The following SYT1 variants were observed in gnomAD, a reference collection of about 807,000 sequenced individuals.
The protein encoded by SYT1 is synaptotagmin 1.
Under a neutral mutation model 44.8 loss-of-function variants are expected in SYT1, and 8 were observed. That is an observed-to-expected ratio of 0.18 (90% CI 0.10 to 0.32). The LOEUF (loss-of-function observed/expected upper bound fraction) is 0.32, where lower values mean the gene tolerates loss of function less well. Ranked by LOEUF, SYT1 falls within the 10% of genes least tolerant of loss-of-function variation. The pLI, the probability that SYT1 is intolerant of heterozygous loss-of-function variation, is 1.00. For missense variants in SYT1, 286 were observed against 509.3 expected, an observed-to-expected ratio of 0.56 and a Z score of 4.22; for synonymous variants, 154 against 188.8, an observed-to-expected ratio of 0.82 and a Z score of 1.51.
At chr12:79,151,754 A>G (rs1870286679) in intron 3 of SYT1, among the ~76,000 whole-genome samples, 1 of 152,160 alleles carries the variant, frequency 6.6e-6, no homozygotes, top group Non-Finnish European at 1.5e-5. Flanking sequence ...CAAACCTCAG[A>G]GCACTCCCAA....
chr12:79,303,578 T>C lies in SYT1; in HGVS notation c.810+4027T>C, dbSNP rs950018984. ...GTAATCTAGTGCAAATGGAAAAAAATTGATTGCAGAATTAAAACAAGTTGG... is the reference window on the plus strand; with the variant it reads ...GTAATCTAGTGCAAATGGAAAAAAACTGATTGCAGAATTAAAACAAGTTGG... On this transcript the variant is annotated intron_variant, in intron 8 of 10. Coordinates refer to ENST00000261205, the MANE Select transcript of SYT1 (RefSeq NM_005639.3). Among the ~76,000 whole-genome samples the C allele has an allele frequency of 3.4e-4, 52 of 152,024 alleles. 2 individuals carry two copies.
chr12:79,341,137 G>A (rs1293460450), intron 8 of SYT1: 2 of 152,134 alleles, frequency 1.3e-5, no homozygotes, highest in Non-Finnish European at 2.9e-5. Context: ...ATAAGACTAA[G>A]CTTTACTCAT....
At chr12:79,080,706 A>C (rs1216894087) in intron 3 of SYT1, among the ~76,000 whole-genome samples, 1 of 152,138 alleles carries the variant, frequency 6.6e-6, no homozygotes, top group Admixed American at 6.6e-5. Context: ...CAATTTTTAG[A>C]CTCTATTATC....
chr12:79,165,439 TC>T (rs1871174048), intron 3 of SYT1, among the ~76,000 whole-genome samples: 1 of 151,958 alleles, frequency 6.6e-6, no homozygotes, highest in African/African-American at 2.4e-5. Flanking sequence ...CTAAATGTAT[TC>T]CAAAATTATA....
chr12:79,409,886 A>G (rs982786783), intron 9 of SYT1, among the ~76,000 whole-genome samples: 3 of 151,730 alleles, frequency 2.0e-5, no homozygotes, highest in Admixed American at 1.3e-4. Context: ...TTAAAGAGAA[A>G]AAGGAAAGAA....
At chr12:78,943,100 G>A (rs764547838) in intron 1 of SYT1, among the ~76,000 whole-genome samples, 1 of 152,114 alleles carries the variant, frequency 6.6e-6, no homozygotes, top group Non-Finnish European at 1.5e-5. Flanking sequence ...TTTGTATAGA[G>A]CACAATAATT....
At chr12:79,175,418 AAC>A (rs900446653) in intron 3 of SYT1, among the ~76,000 whole-genome samples, 3 of 152,092 alleles carry the variant, frequency 2.0e-5, no homozygotes, top group Admixed American at 2.0e-4. Context: ...TTAAATGGGA[AAC>A]ATTAATTTGG....
chr12:78,948,994 T>TATTAC (rs1050433259), intron 1 of SYT1, among the ~76,000 whole-genome samples: 1 of 133,066 alleles, frequency 7.5e-6, no homozygotes, highest in Non-Finnish European at 1.7e-5. Flanking sequence ...TATTATATTA[T>TATTAC]ATTACATTAT....
chr12:79,289,001 C>A (rs763751203), intron 5 of SYT1, among the ~76,000 whole-genome samples: 1 of 152,044 alleles, frequency 6.6e-6, no homozygotes, highest in Non-Finnish European at 1.5e-5. Flanking sequence ...ATTTTAAACA[C>A]GCTAACAGAT....
At chr12:79,075,813 C>T (rs1876603755) in intron 3 of SYT1, among the ~76,000 whole-genome samples, 1 of 152,062 alleles carries the variant, frequency 6.6e-6, no homozygotes, top group African/African-American at 2.4e-5. Flanking sequence ...TCTTCATAGT[C>T]ATACACAGAT....
At chr12:78,875,836 C>G (rs1179378244) in intron 1 of SYT1, among the ~76,000 whole-genome samples, 1 of 151,590 alleles carries the variant, frequency 6.6e-6, no homozygotes, top group South Asian at 2.1e-4. Context: ...TATTTTTATA[C>G]TCCAGTTTTA....
chr12:78,959,263 G>T (rs2176019), intron 1 of SYT1, among the ~76,000 whole-genome samples: 1 of 151,922 alleles, frequency 6.6e-6, no homozygotes, highest in East Asian at 1.9e-4. Context: ...AGGGAAACTC[G>T]GGAGATGTTC....
At chr12:78,932,884 C>T (rs999766337) in intron 1 of SYT1, among the ~76,000 whole-genome samples, 2 of 152,046 alleles carry the variant, frequency 1.3e-5, no homozygotes, top group South Asian at 2.1e-4. Flanking sequence ...CAATTATAGG[C>T]GCATAAATTC....
At chr12:79,393,142 T>C (rs1424705803) in intron 9 of SYT1, 1 of 152,182 alleles carries the variant, frequency 6.6e-6, no homozygotes, top group Non-Finnish European at 1.5e-5. Context: ...ACTCATCCTT[T>C]TTTGTGGCTG....
intron 4 of SYT1, among the ~76,000 whole-genome samples, chr12:79,272,946 G>A (rs1229270087): frequency 6.6e-6 from 1 of 152,148 alleles, no homozygotes; most frequent in East Asian, 1.9e-4. Context: ...ATTATCTTTT[G>A]GAGAATCCTG....
chr12:78,885,649 C>T (rs74107093), intron 1 of SYT1, among the ~76,000 whole-genome samples: 4,840 of 151,968 alleles, frequency 0.032, 270 homozygotes, highest in African/African-American at 0.11. Context: ...TCCACGTGGG[C>T]CAGGTGCTGC....
chr12:78,929,459 C>G (rs1877512721), intron 1 of SYT1, among the ~76,000 whole-genome samples: 1 of 94,932 alleles, frequency 1.1e-5, no homozygotes, highest in African/African-American at 3.9e-5. Flanking sequence ...TTATTAGCAG[C>G]AATTAGTTTT....
chr12:79,260,287 CA>C (rs1371280343), intron 4 of SYT1, among the ~76,000 whole-genome samples: 2 of 152,192 alleles, frequency 1.3e-5, no homozygotes, highest in Admixed American at 6.5e-5. Flanking sequence ...TACACACACA[CA>C]AACACATGCA....
chr12:79,402,876 C>G (rs2136117662), intron 9 of SYT1, among the ~76,000 whole-genome samples: 1 of 152,314 alleles, frequency 6.6e-6, no homozygotes, highest in Non-Finnish European at 1.5e-5. Flanking sequence ...AACCACAGTC[C>G]AGATTAACAG....
Sources: gnomAD v4.1 joint callset for allele counts (sites outside exome capture counted in the v4.1 genomes callset) on GRCh38, gnomAD v4.1.1 for gene constraint, MANE v1.5 for transcripts, NCBI Gene and HGNC (gene_info 2026-07-23, HGNC 2026-07-21) for gene names.